ANO7: variants seen among roughly 807,000 people sequenced by gnomAD.
ANO7 encodes the protein anoctamin 7.
A neutral mutation model predicts 115.8 loss-of-function variants in ANO7; 114 were observed. The ratio of observed to expected loss-of-function variants is 0.98; its 90% CI spans 0.85 to 1.15. The LOEUF (loss-of-function observed/expected upper bound fraction) is 1.15. Among genes scored for constraint, ANO7 ranks in the 50% most tolerant of loss-of-function variants. ANO7 has a pLI of 0.00. For missense variants in ANO7, 1,302 were observed against 1,201.2 expected (o/e 1.08, Z -1.24); for synonymous variants, 550 against 498.2 (o/e 1.10, Z -1.38).
chr2:241,203,373 G>C lies in ANO7; in HGVS notation c.764G>C (p.Arg255Pro). The C allele has an allele frequency of 6.3e-7, 1 of 1,597,688 alleles. No homozygotes were observed. Among genetic ancestry groups the C allele is most frequent in the Non-Finnish European group, 8.5e-7 (1 of 1,172,950 alleles). ...KTPPEGPQAP[R>P]LNQRQVLFQH... ...CCCCCAGAGGGCCCGCAGGCTCCAC[G>C]CCTCAACCAGCGCCAAGTCCTTTTC... Residue 255 changes from arginine (R) to proline (P), a missense_variant, in exon 9 of 25, where the codon CGC (arginine) becomes CCC (proline). Coordinates refer to ENST00000674324, the MANE Select transcript of ANO7 (RefSeq NM_001370694.2). The surrounding 1 kb of genome is among the most constrained non-coding windows in gnomAD (Gnocchi z 4.8).
At chr2:241,211,777 G>A (rs542285873) in intron 15 of ANO7, among the ~76,000 whole-genome samples, 7 of 152,266 alleles carry the variant, frequency 4.6e-5, no homozygotes, top group Admixed American at 3.9e-4. Context: ...CACCTGCACC[G>A]GAGCCCAGTC....
At chr2:241,199,134 G>T in intron 4 of ANO7, 182 bp from the exon 5 acceptor site, 1 of 596,492 alleles carries the variant, frequency 1.7e-6, no homozygotes, top group Non-Finnish European at 3.0e-6. Context: ...GTCGAGGCCC[G>T]GTTGGCTTTC....
the ANO7 span, chr2:241,230,997 CAG>C: frequency 6.6e-6 from 10 of 1,525,022 alleles, no homozygotes; most frequent in Non-Finnish European, 9.1e-6. The surrounding 1 kb of genome is among the most constrained non-coding windows in gnomAD (Gnocchi z 5.0). Flanking sequence ...GGATTCCCGT[CAG>C]GGGCAAGAGC....
chr2:241,230,835 G>A (rs368440496), downstream of ANO7: 26 of 1,614,044 alleles, frequency 1.6e-5, no homozygotes, highest in Middle Eastern at 1.6e-4. This position sits in a 1 kb window ranked among gnomAD's most constrained non-coding sequence, Gnocchi z 5.0. Context: ...GTGGTCCAGC[G>A]GGACGTCCTC....
intron 3 of ANO7, among the ~76,000 whole-genome samples, chr2:241,194,471 C>T (rs1437194209): frequency 5.9e-5 from 9 of 151,928 alleles, no homozygotes; most frequent in African/African-American, 7.3e-5. Flanking sequence ...CCGGCCACCA[C>T]GCCCAGCTAA....
intron 21 of ANO7, among the ~76,000 whole-genome samples, chr2:241,219,376 A>T (rs75279032): frequency 2.6e-5 from 4 of 151,924 alleles, no homozygotes; most frequent in Non-Finnish European, 5.9e-5. Context: ...CATACTTGTG[A>T]TCTCTTCATA....
At chr2:241,205,549 T>C (rs1199958386) in intron 10 of ANO7, among the ~76,000 whole-genome samples, 1 of 107,004 alleles carries the variant, frequency 9.3e-6, no homozygotes, top group African/African-American at 3.8e-5. Flanking sequence ...CTGACACAGG[T>C]GGACAGGAGT....
chr2:241,218,864 A>T (rs2068937304), intron 21 of ANO7, among the ~76,000 whole-genome samples: 1 of 152,236 alleles, frequency 6.6e-6, no homozygotes, highest in African/African-American at 2.4e-5. Context: ...AGCTAACGGT[A>T]CAAAAAGTTT....
chr2:241,209,309 G>A lies in ANO7; in HGVS notation c.1102G>A (p.Gly368Ser), dbSNP rs778919224. 16 of 1,562,472 alleles carry A rather than the reference G, an allele frequency of 1.0e-5. No individual in the cohort carries two copies. In the East Asian group the frequency reaches 1.2e-4, roughly 12 times the overall value. Residue 368 changes from glycine to serine, a missense_variant, in exon 12 of 25, where the codon GGC becomes AGC. By Grantham distance (56) the Gly-to-Ser change is moderately conservative. Transcript: ENST00000674324. ...AQAGRLFDHG[G>S]TVFFSLFMAL... ...GGCCGGCCGGCTGTTCGACCACGGC[G>A]GCACCGTGTTCTTCAGCTTGTTCAT...
intron 4 of ANO7, among the ~76,000 whole-genome samples, chr2:241,197,591 C>T (rs1277547061): frequency 6.6e-6 from 1 of 151,110 alleles, no homozygotes; most frequent in Non-Finnish European, 1.5e-5. Context: ...GTTGCCCTGG[C>T]TGGTTTGGAA....
At chr2:241,222,233 C>CATAAATAAATAA (rs59653174) in intron 21 of ANO7, among the ~76,000 whole-genome samples, 171 of 143,342 alleles carry the variant, frequency 1.2e-3, no homozygotes, top group East Asian at 2.0e-3. Context: ...GACTCTGTCT[C>CATAAATAAATAA]ATAAATAAAT....
intron 4 of ANO7, among the ~76,000 whole-genome samples, chr2:241,197,517 G>A (rs534931407): frequency 2.0e-5 from 3 of 152,120 alleles, no homozygotes; most frequent in Non-Finnish European, 4.4e-5. Context: ...CTCCTGAGTA[G>A]CTGGGACTAC....
rs138851563 is a variant in ANO7, at chr2:241,203,464, C to T, written c.855C>T (p.Phe285=). The T allele has an allele frequency of 1.3e-4, 210 of 1,564,784 alleles. No homozygotes were observed. In the East Asian group the frequency reaches 1.4e-3, roughly 10 times the overall value. ...CCCTGGACCACGTGCGCAGGTACTT[C>T]GGGGAGAAGGTGGCCCTCTACTTCG... The part of the protein sequence containing the change: ...YQPLDHVRRY[F]GEKVALYFAW... The change falls in exon 9 of 25, where the codon TTC becomes TTT. Residue 285 remains phenylalanine (F), a synonymous_variant. Transcript: ENST00000674324. The surrounding 1 kb of genome is among the most constrained non-coding windows in gnomAD (Gnocchi z 4.8).
intron 3 of ANO7, among the ~76,000 whole-genome samples, chr2:241,193,583 C>T (rs981033779): frequency 5.3e-5 from 8 of 151,400 alleles, no homozygotes; most frequent in Non-Finnish European, 1.2e-4. Context: ...AAGATACAAT[C>T]GTTTTAAACT....
downstream of ANO7, among the ~76,000 whole-genome samples, chr2:241,226,486 A>G (rs1007197323): frequency 4.6e-5 from 7 of 150,768 alleles, no homozygotes; most frequent in Non-Finnish European, 7.4e-5. Context: ...GTGCAGTGGT[A>G]CGATCTCGGC....
chr2:241,192,239 C>T (rs750223806), intron 3 of ANO7, among the ~76,000 whole-genome samples: 7 of 152,170 alleles, frequency 4.6e-5, no homozygotes, highest in African/African-American at 9.7e-5. Flanking sequence ...GCAGGAGAAT[C>T]GCTTGAACCC....
intron 18 of ANO7, 61 bp from the exon 19 acceptor site, chr2:241,216,032 T>TATAG: frequency 6.5e-7 from 1 of 1,545,226 alleles, no homozygotes; most frequent in Non-Finnish European, 8.7e-7. Context: ...CCCCAAGGAC[T>TATAG]ATAGCAGCCA....
chr2:241,235,635 A>C, the ANO7 span: 6 of 1,427,238 alleles, frequency 4.2e-6, no homozygotes, highest in Non-Finnish European at 5.9e-6. Context: ...GGGAGCTGAG[A>C]GCAGAGTGAC....
downstream of ANO7, among the ~76,000 whole-genome samples, chr2:241,226,910 C>A (rs1282518865): frequency 6.6e-6 from 1 of 152,166 alleles, no homozygotes; most frequent in Non-Finnish European, 1.5e-5. Context: ...TCCGCCCGCA[C>A]CCCCCACCAC....
Sources: allele counts gnomAD v4.1 joint callset (sites outside exome capture counted in the v4.1 genomes callset), GRCh38; gene constraint gnomAD v4.1.1; non-coding constraint Gnocchi (gnomAD v3.1); transcripts MANE v1.5; gene names NCBI Gene and HGNC (gene_info 2026-07-23, HGNC 2026-07-21).